PLIN4: variants seen among roughly 807,000 people sequenced by gnomAD.
PLIN4 encodes perilipin 4.
Under a neutral mutation model 52.4 loss-of-function variants are expected in PLIN4, and 57 were observed. The observed-to-expected ratio is 1.09, with a 90% CI of 0.88 to 1.36. The LOEUF (loss-of-function observed/expected upper bound fraction) is 1.36. PLIN4 is among the 40% of genes most tolerant of loss of function. The pLI is 0.00. For synonymous variants in PLIN4, 826 were observed against 785.4 expected (o/e 1.05, Z -0.86); for missense variants, 1,757 against 1,770.3 (o/e 0.99, Z 0.13).
At chr19:4,509,030 C>A in intron 5 of PLIN4, 75 bp from the exon 6 acceptor site, 2 of 1,420,164 alleles carry the variant, frequency 1.4e-6, no homozygotes, top group South Asian at 1.4e-5. Flanking sequence ...CAAGTGAGGG[C>A]CGGGCGCGGC....
At chr19:4,509,747 C>G (rs951241756) in intron 5 of PLIN4, among the ~76,000 whole-genome samples, 1 of 151,890 alleles carries the variant, frequency 6.6e-6, no homozygotes, top group Non-Finnish European at 1.5e-5. Flanking sequence ...TGAGACCAGC[C>G]TGGGCAACAT....
At position 4,512,175 on chromosome 19, in the gene PLIN4, G is replaced by T; in HGVS notation, c.1785C>A (p.Thr595=). Residue 595 remains threonine, a synonymous_variant, in exon 5 of 8, where the codon ACC becomes ACA. Transcript: ENST00000301286. The part of the protein sequence containing the change: ...TGVDTAKTVL[T]GTKDTVTTGL... ...CAGTAGTCACTGTGTCCTTGGTGCC[G>T]GTCAGCACGGTCTTGGCTGTGTCTA... 1 of 1,609,002 alleles carries T rather than the reference G, an allele frequency of 6.2e-7. No individual in the cohort carries two copies. The highest frequency in any genetic ancestry group is 8.5e-7 in the Non-Finnish European group (1 of 1,178,744).
rs1184603267 is a variant in PLIN4 at position 4,511,883 on chromosome 19, G to C, written c.2077C>G (p.Leu693Val). ...GTGACTGTGTCCTTGGTGCCGGTCA[G>C]CACGGTCTTGGCCGTGTCTACACCT... ...QTGVDTAKTV[L>V]TGTKDTVTTG... Residue 693 changes from leucine (L) to valine (V), a missense_variant, in exon 5 of 8, where the codon CTG becomes GTG. Leu to Val is a conservative substitution (Grantham distance 32). Transcript: ENST00000301286. The C allele has an allele frequency of 2.5e-6, 4 of 1,608,626 alleles. No individual in the cohort carries two copies. Among genetic ancestry groups the C allele is most frequent in the Non-Finnish European group, 3.4e-6 (4 of 1,175,700 alleles).
chr19:4,510,328 T>G, intron 5 of PLIN4, 118 bp downstream of exon 5: 1 of 1,146,954 alleles, frequency 8.7e-7, no homozygotes, highest in Non-Finnish European at 1.1e-6. Context: ...ATCACGCCAC[T>G]GCACTCCAGC....
Position 4,517,559 on chromosome 19 carries a change from G to A in PLIN4, c.191C>T (p.Ala64Val). 6.2e-7 allele frequency: 1 copy of A among 1,609,084 alleles called. No individual in the cohort carries two copies. The highest frequency in any genetic ancestry group is 8.5e-7 in the Non-Finnish European group (1 of 1,178,374). ...APAAEAAQPQ[A>V]QVAAHPEQTA... Reference sequence around the variant, plus strand: ...CAGCTGGGCCAGCCACTCACCCTGAGCCTGTGGTTGGGCAGCCTCGGCAGC... The same window carrying A: ...CAGCTGGGCCAGCCACTCACCCTGAACCTGTGGTTGGGCAGCCTCGGCAGC... Residue 64 changes from alanine (A) to valine (V), a missense_variant, in exon 3 of 8, where the codon GCT (alanine) becomes GTT (valine). By Grantham distance (64) the Ala-to-Val change is moderately conservative. This residue lies in a region of PLIN4 where 332 missense variants were observed against 310.8 expected (regional missense o/e 1.07). Transcript: ENST00000301286.
chr19:4,507,068 G>C (rs957041682), intron 6 of PLIN4, among the ~76,000 whole-genome samples: 3 of 152,250 alleles, frequency 2.0e-5, no homozygotes, highest in Non-Finnish European at 4.4e-5. Context: ...GACAACCACA[G>C]ATGTCCCCAG....
At chr19:4,508,978 C>T (rs1293847787) in intron 5 of PLIN4, 23 bp from the exon 6 acceptor site, 4 of 1,598,864 alleles carry the variant, frequency 2.5e-6, no homozygotes, top group Non-Finnish European at 3.4e-6. Context: ...GCGCACCGCT[C>T]AGTCCCGGAA....
At chr19:4,506,722 C>CA (rs1217863843) in intron 6 of PLIN4, among the ~76,000 whole-genome samples, 1 of 152,266 alleles carries the variant, frequency 6.6e-6, no homozygotes, top group African/African-American at 2.4e-5. Context: ...AGTTCTGGCC[C>CA]AGGCTACTTT....
chr19:4,512,969 T>A lies in PLIN4; in HGVS notation c.991A>T (p.Thr331Ser). The change falls in exon 5 of 8, where the codon ACA (threonine) becomes TCA (serine). Residue 331 changes from threonine (T) to serine (S), a missense_variant. Thr to Ser is a moderately conservative substitution (Grantham distance 58). Coordinates refer to ENST00000301286, the MANE Select transcript of PLIN4 (RefSeq NM_001367868.2). ...CTACAGACGGTGTCCTTGGTACCTG[T>A]TAGGACAGTCTTACTGGTGTCCACG... Reference protein sequence around the residue: ...TGVDTSKTVLTGTKDTVCSGV... With the variant: ...TGVDTSKTVLSGTKDTVCSGV... 1 of 654,548 alleles carries A rather than the reference T, an allele frequency of 1.5e-6. No individual in the cohort carries two copies. Among genetic ancestry groups the A allele is most frequent in the Non-Finnish European group, 2.7e-6 (1 of 373,534 alleles). The allele number at this position is 654,548 out of a possible 1,614,324, so 40.5% of individuals were successfully genotyped here. A position where few individuals can be genotyped will look rare whatever the true frequency, so the allele number is the denominator to read the frequency against.
At chr19:4,506,375 T>A (rs950309588) in intron 6 of PLIN4, among the ~76,000 whole-genome samples, 7 of 152,206 alleles carry the variant, frequency 4.6e-5, no homozygotes, top group Non-Finnish European at 1.0e-4. Context: ...TCCCTCTCTG[T>A]CATTTAGACC....
rs755469006 is a variant in PLIN4 at position 4,511,696 on chromosome 19, G to T, written c.2264C>A (p.Thr755Lys). The part of the protein sequence containing the change: ...KGAIQGGLDT[T>K]KSVLTGTKDA... ...TTTAGTGCCAGTCAGGACAGACTTTGTAGTGTCCAGGCCCCCTTGGATGGC... is the reference window on the plus strand; with the variant it reads ...TTTAGTGCCAGTCAGGACAGACTTTTTAGTGTCCAGGCCCCCTTGGATGGC... Residue 755 changes from threonine (T) to lysine (K), a missense_variant, in exon 5 of 8, where the codon ACA (threonine) becomes AAA (lysine). Transcript: ENST00000301286. The T allele has an allele frequency of 1.4e-5, 17 of 1,190,284 alleles. No homozygotes were observed. The African/African-American group carries it at 2.4e-4, about 16-fold the overall frequency. The allele number at this position is 1,190,284 out of a possible 1,614,324, so 73.7% of individuals were successfully genotyped here.
At chr19:4,506,643 G>A (rs549688294) in intron 6 of PLIN4, among the ~76,000 whole-genome samples, 81 of 152,290 alleles carry the variant, frequency 5.3e-4, no homozygotes, top group Middle Eastern at 3.4e-3. Flanking sequence ...CATCCTTCAC[G>A]TGTGGCCCTG....
intron 6 of PLIN4, among the ~76,000 whole-genome samples, chr19:4,507,983 T>C (rs1307749007): frequency 6.6e-6 from 1 of 152,146 alleles, no homozygotes; most frequent in Non-Finnish European, 1.5e-5. Context: ...ATCCGAGTCA[T>C]GTTGCGTTGG....
rs201836038 is a variant in PLIN4, at chr19:4,511,268, C to T, written c.2692G>A (p.Val898Met). The change falls in exon 5 of 8, where the codon GTG becomes ATG. Residue 898 changes from valine to methionine, a missense_variant. By Grantham distance (21) the Val-to-Met change is conservative (BLOSUM62 1). This residue lies in a region of PLIN4 where 76 missense variants were observed against 109.1 expected (regional missense o/e 0.70). Transcript: ENST00000301286. Reference sequence around the variant, plus strand: ...ACAGCCCCTGTGAGCCCAGTGGACACGGCATCTTTAGTGCCAGTCAGGACA... The same window carrying T: ...ACAGCCCCTGTGAGCCCAGTGGACATGGCATCTTTAGTGCCAGTCAGGACA... Reference protein sequence around the residue: ...KSVLTGTKDAVSTGLTGAVNL... With the variant: ...KSVLTGTKDAMSTGLTGAVNL... The T allele has an allele frequency of 3.0e-5, 48 of 1,610,354 alleles. No homozygotes were observed. The East Asian group carries it at 3.4e-4, about 11-fold the overall frequency.
rs541905681 is a variant in PLIN4 at position 4,502,310 on chromosome 19, G to T, written c.*2149C>A. 2.6e-5 allele frequency: 12 copies of T among 461,860 alleles called. No homozygotes were observed. Among genetic ancestry groups the T allele is most frequent in the South Asian group, 2.4e-4 (12 of 50,354 alleles). 28.6% of individuals were successfully genotyped at this position (461,860 alleles called of 1,614,324 possible). ...CACTGGGCCCGTTTGGGACTGGGTT[G>T]AGCCATCAGGCCACCGTGAGAAGCG... On this transcript the variant is annotated 3_prime_UTR_variant, in exon 8 of 8. Transcript: ENST00000301286.
At chr19:4,517,530 C>A (rs1700789833) in intron 3 of PLIN4, 24 bp downstream of exon 3, 1 of 1,595,524 alleles carries the variant, frequency 6.3e-7, no homozygotes, top group Non-Finnish European at 8.5e-7. Flanking sequence ...TCCCCCCACG[C>A]CCCCAGCTGG....
intron 3 of PLIN4, 106 bp downstream of exon 3, chr19:4,517,448 A>G: frequency 7.2e-7 from 1 of 1,379,840 alleles, no homozygotes. Context: ...CACACAGACA[A>G]ATATGGAGGA....
rs1398418277 is a variant in PLIN4, at chr19:4,502,217, T to C, written c.*2242A>G. 1.5e-6 allele frequency: 1 copy of C among 661,808 alleles called. No homozygotes were observed. The highest frequency in any genetic ancestry group is 1.8e-5 in the African/African-American group (1 of 54,730). The allele number at this position is 661,808 out of a possible 1,614,324, so 41.0% of individuals were successfully genotyped here. A position where few individuals can be genotyped will look rare whatever the true frequency, so the allele number is the denominator to read the frequency against. Reference sequence around the variant, plus strand: ...TTTTTTAATGAAAAAAGAAATCACTTTTATTGGCTTGGTTTTCTAGCATTG... The same window carrying C: ...TTTTTTAATGAAAAAAGAAATCACTCTTATTGGCTTGGTTTTCTAGCATTG... On this transcript the variant is annotated 3_prime_UTR_variant, in exon 8 of 8. Transcript: ENST00000301286.
intron 4 of PLIN4, among the ~76,000 whole-genome samples, chr19:4,515,913 C>T (rs1568237448): frequency 6.6e-6 from 1 of 152,242 alleles, no homozygotes; most frequent in Non-Finnish European, 1.5e-5. Context: ...CCGACACTCG[C>T]TGTGTGGCCT....
Sources: allele counts gnomAD v4.1 joint callset (sites outside exome capture counted in the v4.1 genomes callset), GRCh38; gene constraint gnomAD v4.1.1; regional missense constraint gnomAD v4.1.1; transcripts MANE v1.5; gene names NCBI Gene and HGNC (gene_info 2026-07-23, HGNC 2026-07-21).